RTKN2: variants seen among roughly 807,000 people sequenced by gnomAD.
The protein encoded by RTKN2 is rhotekin 2, also known as rhotekin-2.
In RTKN2, 69 loss-of-function variants were observed where a neutral mutation model predicts 71.5. That is an observed-to-expected ratio of 0.96 (90% CI 0.79 to 1.18). The LOEUF (loss-of-function observed/expected upper bound fraction) is 1.18. Among genes scored for constraint, RTKN2 ranks in the 50% most tolerant of loss-of-function variants. The pLI is 0.00. For synonymous variants in RTKN2, 236 were observed against 236.5 expected (o/e 1.00, Z 0.02); for missense variants, 724 against 719.7 (o/e 1.01, Z -0.07).
Position 62,193,618 on chromosome 10 carries a change from T to TC in RTKN2, c.*4289dup. 2 of 985,270 alleles carry TC rather than the reference T, an allele frequency of 2.0e-6. No individual in the cohort carries two copies. Among genetic ancestry groups the TC allele is most frequent in the Non-Finnish European group, 1.2e-6 (1 of 829,866 alleles). The allele number at this position is 985,270 out of a possible 1,614,324, so 61.0% of individuals were successfully genotyped here. On this transcript the variant is annotated 3_prime_UTR_variant, in exon 12 of 12. Transcript: ENST00000373789. ...ACTGAGCCAGGATTGCTCATTTCTC[T>TC]CCCCCACTCTGAGGCGCTCTGCAGG...
exon 9 of RTKN2, chr10:62,184,147 A>G (rs1443855535): frequency 2.0e-6 from 1 of 502,048 alleles, no homozygotes; most frequent in Non-Finnish European, 3.5e-6. Context: ...TGTTTACTCA[A>G]TGACTCTTAA....
chr10:62,190,485 G>T (rs1841204822), downstream of RTKN2, among the ~76,000 whole-genome samples: 1 of 152,060 alleles, frequency 6.6e-6, no homozygotes, highest in African/African-American at 2.4e-5. Context: ...GCCGAATTAG[G>T]AGAGATCCAG....
intron 1 of RTKN2, among the ~76,000 whole-genome samples, chr10:62,264,140 C>A (rs1284273300): frequency 1.3e-5 from 2 of 152,112 alleles, no homozygotes; most frequent in African/African-American, 4.8e-5. Flanking sequence ...TAAATGAAAT[C>A]TAATACCAAA....
Position 62,194,788 on chromosome 10 carries a change from G to A in RTKN2, c.*3120C>T. 10 of 985,236 alleles carry A rather than the reference G, an allele frequency of 1.0e-5. No homozygotes were observed. Among genetic ancestry groups the A allele is most frequent in the Non-Finnish European group, 1.1e-5 (9 of 829,794 alleles). The allele number at this position is 985,236 out of a possible 1,614,324, so 61.0% of individuals were successfully genotyped here. On this transcript the variant is annotated 3_prime_UTR_variant, in exon 12 of 12. Transcript: ENST00000373789. ...CTTACGTGAGGTATCTCTAATTCAA[G>A]ACAGCTTCCATTTTTAATAAATAGT...
chr10:62,260,286 A>C (rs1421863495), intron 2 of RTKN2, among the ~76,000 whole-genome samples: 1 of 152,234 alleles, frequency 6.6e-6, no homozygotes, highest in Non-Finnish European at 1.5e-5. Context: ...CAAGCGGTAG[A>C]TATTCAGTAT....
Position 62,268,628 on chromosome 10 carries a change from C to G in RTKN2, c.-18G>C, listed in dbSNP as rs1183900841. 20 of 1,551,976 alleles carry G rather than the reference C, an allele frequency of 1.3e-5. No individual in the cohort carries two copies. Among genetic ancestry groups the G allele is most frequent in the Non-Finnish European group, 1.7e-5 (19 of 1,147,784 alleles). On this transcript the variant is annotated 5_prime_UTR_variant, in exon 1 of 12. Coordinates refer to ENST00000373789, the MANE Select transcript of RTKN2 (RefSeq NM_145307.4). ...CCCTCCATCTCCAACGCGAACTGTC[C>G]GGGCCGTCGCCACTCCTTCAAAGGG...
intron 6 of RTKN2, among the ~76,000 whole-genome samples, chr10:62,226,132 GATTTT>G (rs1281225248): frequency 1.3e-5 from 2 of 151,830 alleles, no homozygotes; most frequent in Non-Finnish European, 2.9e-5. Context: ...TGATTTTCTT[GATTTT>G]ATTTTTTTTC....
intron 7 of RTKN2, among the ~76,000 whole-genome samples, chr10:62,222,159 C>T (rs576949707): frequency 1.3e-5 from 2 of 152,240 alleles, no homozygotes; most frequent in South Asian, 2.1e-4. Context: ...CCCAGGCTGG[C>T]GAACAATGGT....
intron 6 of RTKN2, among the ~76,000 whole-genome samples, chr10:62,230,025 G>A (rs4979761): frequency 0.72 from 108,768 of 152,032 alleles, 39,413 homozygotes; most frequent in East Asian, 0.9. Flanking sequence ...TATAATTATT[G>A]TCTAAATATC....
At chr10:62,245,846 T>C (rs1270113599) in intron 3 of RTKN2, among the ~76,000 whole-genome samples, 153 bp downstream of exon 3, 1 of 152,134 alleles carries the variant, frequency 6.6e-6, no homozygotes, top group Non-Finnish European at 1.5e-5. Flanking sequence ...CAATGTAGCA[T>C]ATAATGCTAA....
intron 5 of RTKN2, among the ~76,000 whole-genome samples, chr10:62,237,635 C>G (rs1170894739): frequency 2.0e-5 from 3 of 151,716 alleles, no homozygotes; most frequent in African/African-American, 7.3e-5. Context: ...TCTGCTAAAC[C>G]TTTAGTTTTC....
chr10:62,245,324 G>T (rs958332140), intron 3 of RTKN2, among the ~76,000 whole-genome samples: 7 of 152,120 alleles, frequency 4.6e-5, no homozygotes, highest in Non-Finnish European at 1.0e-4. Flanking sequence ...TTAAGAGAAT[G>T]TAGTTATTTC....
At chr10:62,250,274 C>G (rs1015977534) in intron 2 of RTKN2, among the ~76,000 whole-genome samples, 34 of 152,142 alleles carry the variant, frequency 2.2e-4, no homozygotes, top group Admixed American at 2.2e-3. Context: ...TACTTTGATT[C>G]AAAAGTTAAG....
chr10:62,266,416 A>G (rs1480655828), intron 1 of RTKN2, among the ~76,000 whole-genome samples: 2 of 152,242 alleles, frequency 1.3e-5, no homozygotes, highest in Non-Finnish European at 2.9e-5. Flanking sequence ...ACAAAGACCA[A>G]GGTGAAGAAG....
At chr10:62,206,628 A>G (rs10995086) in intron 9 of RTKN2, among the ~76,000 whole-genome samples, 24,989 of 152,012 alleles carry the variant, frequency 0.16, 2,156 homozygotes, top group African/African-American at 0.2. Context: ...ATCCTGTCAC[A>G]GTAGAAATCT....
rs1025633420 is a variant in RTKN2 at position 62,195,556 on chromosome 10, C to T, written c.*2352G>A. ...AGGGGGCCAGAGAAAGAAACAAAGA[C>T]AAAAAGGAAGGAAGGAGGGAAGGAG... On this transcript the variant is annotated 3_prime_UTR_variant, in exon 12 of 12. Coordinates refer to ENST00000373789, the MANE Select transcript of RTKN2 (RefSeq NM_145307.4). 1.5e-6 allele frequency: 1 copy of T among 664,094 alleles called. No individual in the cohort carries two copies. Among genetic ancestry groups the T allele is most frequent in the African/African-American group, 2.4e-5 (1 of 41,762 alleles). 41.1% of individuals were successfully genotyped at this position (664,094 alleles called of 1,614,324 possible).
chr10:62,250,721 C>T (rs957631367), intron 2 of RTKN2, among the ~76,000 whole-genome samples: 2 of 152,152 alleles, frequency 1.3e-5, no homozygotes, highest in African/African-American at 2.4e-5. Context: ...CCTCCGCCTC[C>T]TGGGTTGAAG....
At chr10:62,252,815 T>TA (rs1330220451) in intron 2 of RTKN2, among the ~76,000 whole-genome samples, 2 of 151,920 alleles carry the variant, frequency 1.3e-5, no homozygotes, top group African/African-American at 4.8e-5. Flanking sequence ...GGGAAATACA[T>TA]AAAAAAACTT....
chr10:62,251,013 C>T (rs375176134), intron 2 of RTKN2, among the ~76,000 whole-genome samples: 1 of 152,132 alleles, frequency 6.6e-6, no homozygotes, highest in East Asian at 1.9e-4. Flanking sequence ...GTGAATCATC[C>T]CTTTGTCCAG....
Sources: gnomAD v4.1 joint callset for allele counts (sites outside exome capture counted in the v4.1 genomes callset) on GRCh38, gnomAD v4.1.1 for gene constraint, MANE v1.5 for transcripts, NCBI Gene and HGNC (gene_info 2026-07-23, HGNC 2026-07-21) for gene names.